The following ACIN1 variants were observed in gnomAD, a reference collection of about 807,000 sequenced individuals.
ACIN1 encodes apoptotic chromatin condensation inducer in the nucleus.
Under a neutral mutation model 146.6 loss-of-function variants are expected in ACIN1, and 16 were observed. That is an observed-to-expected ratio of 0.11 (90% CI 0.07 to 0.17). The LOEUF (loss-of-function observed/expected upper bound fraction) is 0.17, where lower values mean the gene tolerates loss of function less well. ACIN1 is among the 10% of genes least tolerant of loss of function. The pLI, the probability that ACIN1 is intolerant of heterozygous loss-of-function variation, is 1.00. For missense variants in ACIN1, 1,357 were observed against 1,609.3 expected, an observed-to-expected ratio of 0.84 and a Z score of 2.68; for synonymous variants, 569 against 582.7, an observed-to-expected ratio of 0.98 and a Z score of 0.34.
At chr14:23,069,245 T>G in intron 9 of ACIN1, 1 of 1,231,450 alleles carries the variant, frequency 8.1e-7, no homozygotes. Flanking sequence ...GTCTAGAGTC[T>G]GGGCACTACT....
Position 23,064,439 on chromosome 14 carries a change from C to A in ACIN1, c.2358G>T (p.Gln786His). The A allele has an allele frequency of 6.2e-7, 1 of 1,614,292 alleles. No homozygotes were observed. Among genetic ancestry groups the A allele is most frequent in the East Asian group, 2.2e-5 (1 of 44,892 alleles). ...PAGNSDTEGG[Q>H]PGRKRRWGAS... ...CTCCCCAGCGTCGTTTCCGACCAGG[C>A]TGGCCCCCCTCTGTGTCACTGTTTC... Residue 786 changes from glutamine to histidine, a missense_variant, in exon 11 of 19, where the codon CAG becomes CAT. Physicochemically the swap from Gln to His is conservative, Grantham distance 24 (BLOSUM62 0). Coordinates refer to ENST00000605057, the MANE Select transcript of ACIN1 (RefSeq NM_001386863.1).
At chr14:23,084,255 T>C (rs979217360) in intron 4 of ACIN1, among the ~76,000 whole-genome samples, 2 of 152,110 alleles carry the variant, frequency 1.3e-5, no homozygotes, top group African/African-American at 4.8e-5. Flanking sequence ...CCTTCTCTAT[T>C]TCTATATCCT....
intron 4 of ACIN1, among the ~76,000 whole-genome samples, chr14:23,087,732 G>A (rs1300129998): frequency 6.6e-6 from 1 of 151,458 alleles, no homozygotes; most frequent in African/African-American, 2.4e-5. Context: ...ATACTTACTG[G>A]CCTGGCATTT....
At chr14:23,085,974 A>G (rs1401383267) in intron 4 of ACIN1, among the ~76,000 whole-genome samples, 1 of 152,278 alleles carries the variant, frequency 6.6e-6, no homozygotes, top group African/African-American at 2.4e-5. Context: ...GATATATTAA[A>G]GTGCAGAATG....
rs1018172246 is a variant in ACIN1 at position 23,058,936 on chromosome 14, TGA to T, written c.*210_*211del. On this transcript the variant is annotated 3_prime_UTR_variant, in exon 19 of 19. Coordinates refer to ENST00000605057, the MANE Select transcript of ACIN1 (RefSeq NM_001386863.1). Reference sequence around the variant, plus strand: ...CTTGCCTCTCAGACTTAATGGGAAATGAGAGGGAGGGTCGGGCTAAGTCCCAA... The same window carrying T: ...CTTGCCTCTCAGACTTAATGGGAAATGAGGGAGGGTCGGGCTAAGTCCCAA... 1.9e-4 allele frequency: 106 copies of T among 567,392 alleles called. 2 individuals carry two copies. Among genetic ancestry groups the T allele is most frequent in the Non-Finnish European group, 3.0e-4 (97 of 320,052 alleles). 35.1% of individuals were successfully genotyped at this position (567,392 alleles called of 1,614,324 possible).
In ACIN1 at chr14:23,068,289, AAACAAGGC is replaced by A; in HGVS notation, c.2265+1179_2265+1186del. On this transcript the variant is annotated intron_variant, in intron 9 of 18. Coordinates refer to ENST00000605057, the MANE Select transcript of ACIN1 (RefSeq NM_001386863.1). The surrounding 1 kb of genome is among the most constrained non-coding windows in gnomAD (Gnocchi z 4.3). ...GATGGGGATCCCAACAGTCTGTAGC[AAACAAGGC>A]AACCCACAGTCCTCAAAAGGGCAAG... 1 of 986,000 alleles carries A rather than the reference AAACAAGGC, an allele frequency of 1.0e-6. No homozygotes were observed. Among genetic ancestry groups the A allele is most frequent in the Non-Finnish European group, 1.2e-6 (1 of 830,008 alleles). 61.1% of individuals were successfully genotyped at this position (986,000 alleles called of 1,614,324 possible).
Position 23,090,085 on chromosome 14 carries a change from C to G in ACIN1, c.333G>C (p.Ser111=), listed in dbSNP as rs769567653. 1 of 1,613,838 alleles carries G rather than the reference C, an allele frequency of 6.2e-7. No homozygotes were observed. The highest frequency in any genetic ancestry group is 8.5e-7 in the Non-Finnish European group (1 of 1,179,908). The change falls in exon 4 of 19, where the codon TCG becomes TCC. Residue 111 remains serine, a synonymous_variant. Coordinates refer to ENST00000605057, the MANE Select transcript of ACIN1 (RefSeq NM_001386863.1). ...CCTCAGGATGGATCATCTCGTCCTC[C>G]GACTCAGCTGAAGCTTCTGCAAAGT... ...AAELEEASAE[S]EDEMIHPEGV...
intron 6 of ACIN1, 151 bp downstream of exon 6, chr14:23,079,396 T>C (rs1202026490): frequency 1.5e-6 from 2 of 1,358,508 alleles, no homozygotes; most frequent in South Asian, 2.9e-5. Context: ...GAAAATACGA[T>C]TCTGAAATGA....
At chr14:23,076,015 C>A (rs1346759501) in intron 8 of ACIN1, among the ~76,000 whole-genome samples, 2 of 152,146 alleles carry the variant, frequency 1.3e-5, no homozygotes, top group East Asian at 3.9e-4. Context: ...CATAAATGGT[C>A]TTTTCCATTT....
intron 8 of ACIN1, chr14:23,071,182 C>T (rs923284942): frequency 2.6e-6 from 4 of 1,543,102 alleles, no homozygotes; most frequent in Admixed American, 2.1e-5. Context: ...GCTGTTTATC[C>T]CTTTCTGGAA....
chr14:23,084,335 G>A (rs544230718), intron 4 of ACIN1, among the ~76,000 whole-genome samples: 14 of 152,260 alleles, frequency 9.2e-5, no homozygotes, highest in Admixed American at 6.5e-4. Flanking sequence ...GGCTGGGCAC[G>A]GTGGCTCATG....
upstream of ACIN1, chr14:23,095,161 TA>T: frequency 6.2e-7 from 1 of 1,614,240 alleles, no homozygotes; most frequent in Non-Finnish European, 8.5e-7. Flanking sequence ...GCATCTTCGG[TA>T]ATTTCCGCCA....
At chr14:23,086,600 C>A (rs1207083146) in intron 4 of ACIN1, among the ~76,000 whole-genome samples, 3 of 152,220 alleles carry the variant, frequency 2.0e-5, no homozygotes, top group Admixed American at 6.5e-5. Flanking sequence ...ATCTTCCCAC[C>A]TCAGCCTCCC....
chr14:23,078,685 G>T, intron 7 of ACIN1, 135 bp downstream of exon 7: 2 of 950,500 alleles, frequency 2.1e-6, no homozygotes, highest in Non-Finnish European at 3.1e-6. Flanking sequence ...AATGAGTTAA[G>T]CAGGATTAAC....
At chr14:23,082,567 C>T (rs1470842760) in intron 4 of ACIN1, among the ~76,000 whole-genome samples, 1 of 151,344 alleles carries the variant, frequency 6.6e-6, no homozygotes, top group Non-Finnish European at 1.5e-5. Flanking sequence ...GCCTCAGCCT[C>T]CTGAGTAGCT....
At position 23,067,609 on chromosome 14, in the gene ACIN1, G is replaced by T; in HGVS notation, c.2266-1601C>A. ...GGGATAGAGGGGGGAAAGGGGCAGA[G>T]ACATCAGTCCTGGCCCTGAAGGGAC... On this transcript the variant is annotated intron_variant, in intron 9 of 18. Transcript: ENST00000605057. This position sits in a 1 kb window ranked among gnomAD's most constrained non-coding sequence, Gnocchi z 4.6. The T allele has an allele frequency of 3.0e-6, 3 of 985,978 alleles. No individual in the cohort carries two copies. Among genetic ancestry groups the T allele is most frequent in the Non-Finnish European group, 3.6e-6 (3 of 830,006 alleles). 61.1% of individuals were successfully genotyped at this position (985,978 alleles called of 1,614,324 possible).
chr14:23,063,784 A>AT (rs1156648634), intron 12 of ACIN1, among the ~76,000 whole-genome samples: 3 of 152,096 alleles, frequency 2.0e-5, no homozygotes, highest in African/African-American at 7.2e-5. Context: ...GAGTTAGTAA[A>AT]TTTTTTCTGT....
chr14:23,069,652 G>GCCCCGCC, intron 8 of ACIN1, 35 bp from the exon 9 acceptor site: 1 of 577,966 alleles, frequency 1.7e-6, no homozygotes, highest in Non-Finnish European at 3.3e-6. Context: ...GGGGGGGCGG[G>GCCCCGCC]CAGAAAAGAA....
intron 9 of ACIN1, 90 bp downstream of exon 9, chr14:23,069,386 C>T: frequency 6.7e-7 from 1 of 1,494,998 alleles, no homozygotes; most frequent in Non-Finnish European, 8.9e-7. Context: ...TAAGTTAACC[C>T]ACCGTGTAAG....
Sources: gnomAD v4.1 joint callset for allele counts (sites outside exome capture counted in the v4.1 genomes callset) on GRCh38, gnomAD v4.1.1 for gene constraint, Gnocchi (gnomAD v3.1) non-coding constraint, MANE v1.5 for transcripts, NCBI Gene and HGNC (gene_info 2026-07-23, HGNC 2026-07-21) for gene names.